ROR2: variants seen among roughly 807,000 people sequenced by gnomAD.
ROR2 encodes the protein ROR family WNT receptor 2.
Under a neutral mutation model 74.9 loss-of-function variants are expected in ROR2, and 33 were observed. The ratio of observed to expected loss-of-function variants is 0.44; its 90% confidence interval spans 0.33 to 0.59. ROR2 has a LOEUF of 0.59. ROR2 is among the 20% of genes least tolerant of loss of function. The pLI is 0.02. For missense variants in ROR2, 1,216 were observed against 1,313.8 expected (o/e 0.93, Z 1.15); for synonymous variants, 586 against 558.7 (o/e 1.05, Z -0.69).
intron 5 of ROR2, among the ~76,000 whole-genome samples, chr9:91,734,885 C>T (rs1049633598): frequency 6.6e-6 from 1 of 151,990 alleles, no homozygotes; most frequent in Non-Finnish European, 1.5e-5. Context: ...TTCCTGTGGC[C>T]GATATTTAAA....
intron 1 of ROR2, among the ~76,000 whole-genome samples, chr9:91,810,194 G>C (rs1258397610): frequency 6.6e-6 from 1 of 152,146 alleles, no homozygotes; most frequent in African/African-American, 2.4e-5. Flanking sequence ...ATCAGAATGG[G>C]GTCTATGGTT....
At chr9:91,760,000 G>A (rs903456565) in intron 2 of ROR2, among the ~76,000 whole-genome samples, 7 of 152,192 alleles carry the variant, frequency 4.6e-5, no homozygotes, top group African/African-American at 1.7e-4. Flanking sequence ...AGAATAACTA[G>A]ATTATATCCA....
chr9:91,731,006 C>A lies in ROR2; in HGVS notation c.1087G>T (p.Ala363Ser). 6.2e-7 allele frequency: 1 copy of A among 1,614,164 alleles called. No individual in the cohort carries two copies. Among genetic ancestry groups the A allele is most frequent in the South Asian group, 1.1e-5 (1 of 91,074 alleles). ...TGGCCTCCGGGGTTCCGGCAGTAGG[C>A]GTGCCCCCCTCCAAGCTCAGGGAAG... ...TDFPELGGGH[A>S]YCRNPGGQME... is the part of the protein sequence containing the mutation. The change falls in exon 7 of 9, where the codon GCC becomes TCC. Residue 363 changes from alanine to serine, a missense_variant. Ala to Ser is a moderately conservative substitution (Grantham distance 99). Coordinates refer to ENST00000375708, the MANE Select transcript of ROR2 (RefSeq NM_004560.4).
At chr9:91,736,421 C>G (rs570479355) in intron 5 of ROR2, among the ~76,000 whole-genome samples, 1 of 152,180 alleles carries the variant, frequency 6.6e-6, no homozygotes, top group East Asian at 1.9e-4. Flanking sequence ...TGCCCTGTAT[C>G]CCCTTTGCCC....
chr9:91,898,559 A>T (rs1257896095), intron 1 of ROR2, among the ~76,000 whole-genome samples: 11 of 152,184 alleles, frequency 7.2e-5, no homozygotes, highest in Admixed American at 6.5e-4. Context: ...AAGTGTTCCC[A>T]TTCAAGGGCA....
intron 1 of ROR2, among the ~76,000 whole-genome samples, chr9:91,934,612 C>T (rs1784993340): frequency 6.6e-6 from 1 of 152,054 alleles, no homozygotes; most frequent in Admixed American, 6.6e-5. Context: ...TTTCATTTTG[C>T]TTTATTTTTA....
chr9:91,845,152 C>T (rs960518770), intron 1 of ROR2, among the ~76,000 whole-genome samples: 2 of 152,064 alleles, frequency 1.3e-5, no homozygotes, highest in Non-Finnish European at 2.9e-5. Context: ...CTCTGTCCAG[C>T]GACTCAAGAG....
intron 1 of ROR2, among the ~76,000 whole-genome samples, chr9:91,835,442 A>C (rs1828583453): frequency 6.6e-6 from 1 of 152,136 alleles, no homozygotes; most frequent in African/African-American, 2.4e-5. Flanking sequence ...TATACTGGAA[A>C]AGCAGAAGGA....
At chr9:91,853,559 G>A (rs1231090630) in intron 1 of ROR2, among the ~76,000 whole-genome samples, 1 of 152,144 alleles carries the variant, frequency 6.6e-6, no homozygotes, top group Non-Finnish European at 1.5e-5. Context: ...GTGGGTGCAG[G>A]ACCCGCTCTG....
intron 1 of ROR2, among the ~76,000 whole-genome samples, chr9:91,802,439 GT>G (rs1827420156): frequency 6.6e-6 from 1 of 152,104 alleles, no homozygotes; most frequent in Non-Finnish European, 1.5e-5. Context: ...AGGCATTTGG[GT>G]TTGAGACCCC....
chr9:91,926,391 A>C (rs1831398533), intron 1 of ROR2, among the ~76,000 whole-genome samples: 1 of 151,622 alleles, frequency 6.6e-6, no homozygotes, highest in Non-Finnish European at 1.5e-5. Flanking sequence ...TCAAAAAAAA[A>C]AAAAATTAGC....
intron 4 of ROR2, among the ~76,000 whole-genome samples, chr9:91,754,453 T>TC (rs1211425836): frequency 6.6e-6 from 1 of 152,040 alleles, no homozygotes; most frequent in Non-Finnish European, 1.5e-5. Flanking sequence ...GGTCAGGAGT[T>TC]CGAGACCAGT....
chr9:91,775,893 G>A, intron 1 of ROR2, 75 bp from the exon 2 acceptor site: 1 of 1,253,384 alleles, frequency 8.0e-7, no homozygotes, highest in African/African-American at 1.5e-5. Context: ...CTTATGCAAA[G>A]ACAACAGCAT....
At chr9:91,747,797 A>G (rs1370419300) in intron 4 of ROR2, among the ~76,000 whole-genome samples, 3 of 152,192 alleles carry the variant, frequency 2.0e-5, no homozygotes, top group Admixed American at 2.0e-4. Context: ...TCACTGGGGA[A>G]AAGAAACTCA....
At position 91,830,129 on chromosome 9, in the gene ROR2, T is replaced by C. The variant is rs572052731; in HGVS notation, c.98-54311A>G. Among the ~76,000 whole-genome samples the C allele has an allele frequency of 9.5e-4, 145 of 152,344 alleles. 3 individuals carry two copies. The South Asian group carries it at 0.03, about 31-fold the overall frequency. ...ATTTTCAAATCAGTCAACTTGAGTTTTTCCTTTCTTTACACCCATTGAATT... is the reference window on the plus strand; with the variant it reads ...ATTTTCAAATCAGTCAACTTGAGTTCTTCCTTTCTTTACACCCATTGAATT... On this transcript the variant is annotated intron_variant, in intron 1 of 8. Transcript: ENST00000375708.
intron 4 of ROR2, among the ~76,000 whole-genome samples, chr9:91,751,195 T>A (rs950595903): frequency 2.6e-5 from 4 of 151,554 alleles, no homozygotes; most frequent in African/African-American, 9.7e-5. Flanking sequence ...TGAAAAGAAC[T>A]AACCTTCACT....
intron 1 of ROR2, among the ~76,000 whole-genome samples, chr9:91,853,792 A>G (rs955256168): frequency 3.3e-5 from 5 of 152,208 alleles, no homozygotes; most frequent in African/African-American, 1.2e-4. Flanking sequence ...TGAATATTCA[A>G]CTCGGCCTGA....
At chr9:91,910,542 C>A (rs1830950035) in intron 1 of ROR2, among the ~76,000 whole-genome samples, 1 of 152,078 alleles carries the variant, frequency 6.6e-6, no homozygotes, top group Non-Finnish European at 1.5e-5. Flanking sequence ...GAAAACACAA[C>A]CAAGGCAATG....
chr9:91,914,705 A>G (rs1355157609), intron 1 of ROR2, among the ~76,000 whole-genome samples: 1 of 152,166 alleles, frequency 6.6e-6, no homozygotes, highest in Non-Finnish European at 1.5e-5. Context: ...CAGGACCTGC[A>G]GTCACAGACA....
Sources: allele counts gnomAD v4.1 joint callset (sites outside exome capture counted in the v4.1 genomes callset), GRCh38; gene constraint gnomAD v4.1.1; transcripts MANE v1.5; gene names NCBI Gene and HGNC (gene_info 2026-07-23, HGNC 2026-07-21).